PLEKHG4B: variants seen among roughly 807,000 people sequenced by gnomAD.
PLEKHG4B encodes pleckstrin homology and RhoGEF domain containing G4B.
Under a neutral mutation model 121.3 loss-of-function variants are expected in PLEKHG4B, and 111 were observed. The observed-to-expected ratio is 0.92, with a 90% confidence interval of 0.78 to 1.07. The LOEUF is 1.07. Among genes scored for constraint, PLEKHG4B ranks in the 50% least tolerant of loss-of-function variants. PLEKHG4B has a pLI of 0.00. For missense variants in PLEKHG4B, 1,831 were observed against 1,757.8 expected (o/e 1.04, Z -0.74); for synonymous variants, 738 against 725.0 (o/e 1.02, Z -0.29).
intron 12 of PLEKHG4B, among the ~76,000 whole-genome samples, chr5:162,511 A>G (rs1015352214): frequency 2.0e-5 from 3 of 152,230 alleles, no homozygotes; most frequent in African/African-American, 7.2e-5. Flanking sequence ...GCCCTCTGGC[A>G]TGGCGAACAG....
chr5:118,751 G>A (rs1734378217), intron 2 of PLEKHG4B, among the ~76,000 whole-genome samples: 1 of 151,806 alleles, frequency 6.6e-6, no homozygotes, highest in African/African-American at 2.4e-5. Flanking sequence ...CCTCTCAGTA[G>A]TATAATTTCA....
At position 139,178 on chromosome 5, in the gene PLEKHG4B, T is replaced by C. The variant is rs1046822008; in HGVS notation, c.244-305T>C. ...GGGACAACTCATCCTTCGGAGCGCCTGGTGGGCTGTGGCTGTGGCCCTCGA... is the reference window on the plus strand; with the variant it reads ...GGGACAACTCATCCTTCGGAGCGCCCGGTGGGCTGTGGCTGTGGCCCTCGA... On this transcript the variant is annotated intron_variant, in intron 2 of 19. Coordinates refer to ENST00000637938, the MANE Select transcript of PLEKHG4B (RefSeq NM_052909.5). The surrounding 1 kb of genome is among the most constrained non-coding windows in gnomAD (Gnocchi z 5.0). 2.0e-5 allele frequency among the ~76,000 whole-genome samples: 3 copies of C among 152,182 alleles called. No homozygotes were observed. Among genetic ancestry groups the C allele is most frequent in the Admixed American group, 1.3e-4 (2 of 15,284 alleles).
At chr5:124,445 T>C (rs1054022000) in intron 2 of PLEKHG4B, among the ~76,000 whole-genome samples, 2 of 152,242 alleles carry the variant, frequency 1.3e-5, no homozygotes, top group Non-Finnish European at 2.9e-5. Flanking sequence ...ACATCTTCTG[T>C]CTGGTTCTTC....
chr5:178,280 C>G (rs139145992), intron 18 of PLEKHG4B, among the ~76,000 whole-genome samples: 3 of 152,230 alleles, frequency 2.0e-5, no homozygotes, highest in Non-Finnish European at 4.4e-5. Context: ...TTTAGAGAGA[C>G]AGTGCAAATA....
At chr5:104,710 G>A (rs1381278986) in intron 1 of PLEKHG4B, among the ~76,000 whole-genome samples, 2 of 152,240 alleles carry the variant, frequency 1.3e-5, no homozygotes, top group African/African-American at 2.4e-5. Context: ...CTCAGGCAGA[G>A]TCTCTGATAA....
chr5:117,487 T>G (rs1176570174), intron 2 of PLEKHG4B, among the ~76,000 whole-genome samples: 16 of 152,190 alleles, frequency 1.1e-4, no homozygotes, highest in Non-Finnish European at 2.9e-5. Flanking sequence ...TCAAGTTATT[T>G]GTCACTTTGT....
intron 8 of PLEKHG4B, 66 bp from the exon 9 acceptor site, chr5:155,279 C>A: frequency 7.2e-7 from 1 of 1,391,824 alleles, no homozygotes; most frequent in Non-Finnish European, 1.0e-6. Context: ...CTGGAACTCA[C>A]AGCTGCTTAC....
intron 18 of PLEKHG4B, 56 bp downstream of exon 18, chr5:174,154 G>T: frequency 3.0e-6 from 4 of 1,331,256 alleles, no homozygotes; most frequent in East Asian, 2.7e-5. Context: ...CTAGGGGCAG[G>T]GGTCGGGGCT....
chr5:118,832 C>T (rs58713738), intron 2 of PLEKHG4B, among the ~76,000 whole-genome samples: 3,594 of 139,196 alleles, frequency 0.026, 138 homozygotes, highest in African/African-American at 0.091. Context: ...TATTGGAGAG[C>T]CCACATTCTT....
intron 18 of PLEKHG4B, chr5:179,712 C>T (rs1473092301): frequency 1.3e-5 from 2 of 152,588 alleles, no homozygotes; most frequent in African/African-American, 4.8e-5. Flanking sequence ...GATCACTTCT[C>T]CTGCTCCACT....
intron 18 of PLEKHG4B, among the ~76,000 whole-genome samples, chr5:174,850 C>G (rs528254357): frequency 8.7e-4 from 133 of 152,196 alleles, no homozygotes; most frequent in African/African-American, 3.1e-3. Context: ...AACAAAAGGT[C>G]AGAAATGAAG....
intron 1 of PLEKHG4B, among the ~76,000 whole-genome samples, chr5:110,205 CCATA>C (rs1177478094): frequency 8.8e-5 from 13 of 147,508 alleles, no homozygotes; most frequent in Non-Finnish European, 1.5e-5. Context: ...ATGCACACAT[CCATA>C]CAATCTGCAA....
intron 2 of PLEKHG4B, among the ~76,000 whole-genome samples, chr5:116,178 T>C (rs913487681): frequency 1.3e-5 from 2 of 152,180 alleles, no homozygotes; most frequent in Non-Finnish European, 2.9e-5. Flanking sequence ...TTATTGTGTC[T>C]TAGGGAATAG....
intron 1 of PLEKHG4B, among the ~76,000 whole-genome samples, chr5:97,477 G>A (rs1004297678): frequency 2.6e-5 from 4 of 152,194 alleles, no homozygotes; most frequent in African/African-American, 7.2e-5. Context: ...CCCAGCCCCA[G>A]GCAACTCATC....
chr5:181,942 C>T (rs1396444885), intron 19 of PLEKHG4B, 62 bp from the exon 20 acceptor site: 1 of 1,548,666 alleles, frequency 6.5e-7, no homozygotes, highest in Non-Finnish European at 8.9e-7. Flanking sequence ...GATCCCATTC[C>T]CGAACCTGGG....
In PLEKHG4B at chr5:137,438, CCCTCCT is replaced by C. The variant is rs1735015883; in HGVS notation, c.244-2042_244-2037del. Among the ~76,000 whole-genome samples the C allele has an allele frequency of 6.6e-6, 1 of 152,180 alleles. No individual in the cohort carries two copies. Among genetic ancestry groups the C allele is most frequent in the Non-Finnish European group, 1.5e-5 (1 of 68,028 alleles). On this transcript the variant is annotated intron_variant, in intron 2 of 19. Transcript: ENST00000637938. This position sits in a 1 kb window ranked among gnomAD's most constrained non-coding sequence, Gnocchi z 4.2. ...TTATATCTGTTTACACACACACACA[CCCTCCT>C]CCCCACAGTCTCTGACTTCCCTCCT...
At chr5:175,711 T>C (rs917250233) in intron 18 of PLEKHG4B, among the ~76,000 whole-genome samples, 1 of 1,136 alleles carries the variant, frequency 8.8e-4, no homozygotes, top group African/African-American at 4.4e-3. Context: ...CCTGCACGGC[T>C]GCACCCCGCC....
Position 157,729 on chromosome 5 carries a change from C to T in PLEKHG4B, c.2487+818C>T, listed in dbSNP as rs1200127226. 6.6e-6 allele frequency among the ~76,000 whole-genome samples: 1 copy of T among 152,176 alleles called. No homozygotes were observed. Among genetic ancestry groups the T allele is most frequent in the Non-Finnish European group, 1.5e-5 (1 of 68,030 alleles). ...CTCAGATAAAAAGTTTCTTTCTTTT[C>T]TCACATATAAACTCTTCAAAACTTG... is the stretch of plus-strand genomic sequence containing the variant. On this transcript the variant is annotated intron_variant, in intron 11 of 19. Coordinates refer to ENST00000637938, the MANE Select transcript of PLEKHG4B (RefSeq NM_052909.5). The surrounding 1 kb of genome is among the most constrained non-coding windows in gnomAD (Gnocchi z 4.6).
rs995176594 is a variant in PLEKHG4B at position 154,863 on chromosome 5, T to G, written c.1993-12T>G. 6.2e-7 allele frequency: 1 copy of G among 1,609,130 alleles called. No homozygotes were observed. Among genetic ancestry groups the G allele is most frequent in the Non-Finnish European group, 8.5e-7 (1 of 1,175,944 alleles). On this transcript the variant is annotated splice_polypyrimidine_tract_variant and intron_variant, in intron 7 of 19. Coordinates refer to ENST00000637938, the MANE Select transcript of PLEKHG4B (RefSeq NM_052909.5). ...TCTGGAGCCATGACCAACGAGTGCC[T>G]CTTCTTGGCAGTGTGAGGTCGTGAG...
Sources: gnomAD v4.1 joint callset for allele counts (sites outside exome capture counted in the v4.1 genomes callset) on GRCh38, gnomAD v4.1.1 for gene constraint, Gnocchi (gnomAD v3.1) non-coding constraint, MANE v1.5 for transcripts, NCBI Gene and HGNC (gene_info 2026-07-23, HGNC 2026-07-21) for gene names.